The following SP1 variants were observed in gnomAD, a reference collection of about 807,000 sequenced individuals.
The protein encoded by SP1 is Sp1 transcription factor, also known as transcription factor Sp1.
Under a neutral mutation model 66.3 loss-of-function variants are expected in SP1, and 6 were observed. The ratio of observed to expected loss-of-function variants is 0.09; its 90% CI spans 0.05 to 0.18. The LOEUF (loss-of-function observed/expected upper bound fraction) is 0.18. Among genes scored for constraint, SP1 ranks in the 10% least tolerant of loss-of-function variants. The pLI, the probability that SP1 is intolerant of heterozygous loss-of-function variation, is 1.00. For missense variants in SP1, 848 were observed against 964.5 expected (o/e 0.88, Z 1.60); for synonymous variants, 417 against 360.8 (o/e 1.16, Z -1.77).
intron 3 of SP1, among the ~76,000 whole-genome samples, chr12:53,403,370 T>G (rs1045892913): frequency 2.6e-5 from 4 of 152,096 alleles, no homozygotes; most frequent in Non-Finnish European, 5.9e-5. Flanking sequence ...TGGTTTTTTG[T>G]TTTTTTGAGA....
At chr12:53,397,823 G>A (rs902462256) in intron 3 of SP1, among the ~76,000 whole-genome samples, 4 of 151,660 alleles carry the variant, frequency 2.6e-5, no homozygotes, top group Non-Finnish European at 5.9e-5. Flanking sequence ...CAAAGTGCTG[G>A]GATTACAGGC....
chr12:53,408,794 T>C (rs978178463), intron 4 of SP1, among the ~76,000 whole-genome samples: 7 of 152,016 alleles, frequency 4.6e-5, no homozygotes, highest in Non-Finnish European at 8.8e-5. Context: ...TAGTCCCAGC[T>C]ACTCGGGAGG....
chr12:53,411,222 C>T lies in SP1; in HGVS notation c.2340C>T (p.Ile780=), dbSNP rs1408790657. The change falls in exon 6 of 6, where the codon ATC becomes ATT. Residue 780 remains isoleucine, a synonymous_variant. Transcript: ENST00000327443. The part of the protein sequence containing the change: ...MQVADLQSIN[I]SGNGF ...TGGCAGATCTGCAGTCCATTAATATCAGTGGCAATGGCTTCTGAGATCAGG... is the reference window on the plus strand; with the variant it reads ...TGGCAGATCTGCAGTCCATTAATATTAGTGGCAATGGCTTCTGAGATCAGG... 4.3e-6 allele frequency: 7 copies of T among 1,611,376 alleles called. No homozygotes were observed. The highest frequency in any genetic ancestry group is 1.3e-5 in the African/African-American group (1 of 74,858).
intron 3 of SP1, among the ~76,000 whole-genome samples, chr12:53,390,938 T>C (rs528328453): frequency 3.9e-5 from 6 of 152,346 alleles, no homozygotes; most frequent in Admixed American, 3.9e-4. Flanking sequence ...TAAAGTAGCA[T>C]GTAAACGTGC....
chr12:53,406,065 CTTTTTTTTTT>C (rs1170832065), intron 3 of SP1, among the ~76,000 whole-genome samples: 1 of 82,412 alleles, frequency 1.2e-5, no homozygotes. Flanking sequence ...TATTTTCTTT[CTTTTTTTTTT>C]TTTTTTTTTT....
At chr12:53,396,925 G>A (rs1397894455) in intron 3 of SP1, among the ~76,000 whole-genome samples, 4 of 151,780 alleles carry the variant, frequency 2.6e-5, no homozygotes, top group Non-Finnish European at 1.5e-5. Context: ...CACCACACCC[G>A]GCCTCTCCTG....
chr12:53,397,913 A>G (rs1938526920), intron 3 of SP1, among the ~76,000 whole-genome samples: 1 of 152,180 alleles, frequency 6.6e-6, no homozygotes. Context: ...AAATACTAGT[A>G]AAGCCCATAA....
chr12:53,399,336 G>GT (rs367696924), intron 3 of SP1, among the ~76,000 whole-genome samples: 26,488 of 141,670 alleles, frequency 0.19, 2,384 homozygotes, highest in African/African-American at 0.25. Context: ...TTTGTTTTTT[G>GT]TTTTTGTTTT....
At chr12:53,409,335 G>GA in intron 4 of SP1, 27 bp from the exon 5 acceptor site, 1 of 1,593,452 alleles carries the variant, frequency 6.3e-7, no homozygotes, top group Non-Finnish European at 8.6e-7. Flanking sequence ...TAGAATGAAT[G>GA]ATTAACAGTT....
At chr12:53,396,309 T>C (rs1281816960) in intron 3 of SP1, among the ~76,000 whole-genome samples, 1 of 138,464 alleles carries the variant, frequency 7.2e-6, no homozygotes, top group Non-Finnish European at 1.5e-5. Flanking sequence ...GTGGCTCACG[T>C]CTGTAATCCC....
In SP1 at chr12:53,414,435, A is replaced by C. The variant is rs1938955815; in HGVS notation, c.*3195A>C. On this transcript the variant is annotated 3_prime_UTR_variant, in exon 6 of 6. Transcript: ENST00000327443. ...TGCTACACAGAATGCAATTTAATGG[A>C]TATTTCTCAGCCTGGTTCAGAATAA... 1 of 152,614 alleles carries C rather than the reference A, an allele frequency of 6.6e-6. No homozygotes were observed. Among genetic ancestry groups the C allele is most frequent in the African/African-American group, 2.4e-5 (1 of 41,450 alleles). The allele number at this position is 152,614 out of a possible 1,614,324, so 9.5% of individuals were successfully genotyped here.
intron 3 of SP1, among the ~76,000 whole-genome samples, chr12:53,391,325 CTTTTT>C (rs978015959): frequency 8.5e-6 from 1 of 118,066 alleles, no homozygotes; most frequent in Non-Finnish European, 1.8e-5. Flanking sequence ...AGACTGAGAA[CTTTTT>C]TTTTTTAAGT....
At chr12:53,387,410 T>G (rs951821376) in intron 3 of SP1, among the ~76,000 whole-genome samples, 1 of 152,234 alleles carries the variant, frequency 6.6e-6, no homozygotes, top group Non-Finnish European at 1.5e-5. Context: ...GGGGAAAGTC[T>G]GCTTAAGTTC....
intron 3 of SP1, among the ~76,000 whole-genome samples, chr12:53,394,409 CTTTTTTTT>C (rs59816754): frequency 1.7e-5 from 2 of 114,880 alleles, no homozygotes; most frequent in African/African-American, 3.8e-5. Context: ...TTAAAAGTAT[CTTTTTTTT>C]TTTTTTTTTT....
rs1453211877 is a variant in SP1 at position 53,414,142 on chromosome 12, C to G, written c.*2902C>G. ...GGCTAACAGAAATTAATTTAACTGACATGCATATTGATTCTGAAATTTTTT... is the reference window on the plus strand; with the variant it reads ...GGCTAACAGAAATTAATTTAACTGAGATGCATATTGATTCTGAAATTTTTT... On this transcript the variant is annotated 3_prime_UTR_variant, in exon 6 of 6. Coordinates refer to ENST00000327443, the MANE Select transcript of SP1 (RefSeq NM_138473.3). The G allele has an allele frequency of 2.6e-5, 4 of 152,176 alleles. No individual in the cohort carries two copies. The highest frequency in any genetic ancestry group is 5.9e-5 in the Non-Finnish European group (4 of 68,034). 9.4% of individuals were successfully genotyped at this position (152,176 alleles called of 1,614,324 possible).
chr12:53,383,644 A>T (rs1317823750), intron 3 of SP1, 22 bp downstream of exon 3: 1 of 1,571,622 alleles, frequency 6.4e-7, no homozygotes, highest in East Asian at 2.2e-5. Flanking sequence ...AATCTTGTGC[A>T]TTTATTGGGA....
intron 1 of SP1, 45 bp from the exon 2 acceptor site, chr12:53,381,609 ATTTCT>A (rs1285448149): frequency 1.3e-6 from 2 of 1,514,838 alleles, no homozygotes; most frequent in Admixed American, 2.0e-5. Context: ...TTCCTACTTC[ATTTCT>A]TTTCTTCCCT....
rs1216547250 is a variant in SP1 at position 53,412,288 on chromosome 12, A to G, written c.*1048A>G. 6.6e-6 allele frequency: 1 copy of G among 152,612 alleles called. No homozygotes were observed. The highest frequency in any genetic ancestry group is 1.5e-5 in the Non-Finnish European group (1 of 68,028). The allele number at this position is 152,612 out of a possible 1,614,324, so 9.5% of individuals were successfully genotyped here. A position where few individuals can be genotyped will look rare whatever the true frequency, so the allele number is the denominator to read the frequency against. ...TTTGTATAAACTGTCAAATTTTCAA[A>G]TAATAGGTAGGGGGCTTTCACTAGG... On this transcript the variant is annotated 3_prime_UTR_variant, in exon 6 of 6. Transcript: ENST00000327443.
In SP1 at chr12:53,382,569, C is replaced by G; in HGVS notation, c.622C>G (p.Pro208Ala). The G allele has an allele frequency of 1.2e-6, 2 of 1,614,162 alleles. No individual in the cohort carries two copies. Among genetic ancestry groups the G allele is most frequent in the Non-Finnish European group, 1.7e-6 (2 of 1,180,024 alleles). ...TGGTTCTGGTCAAATACAGATCATA[C>G]CAGGTGCAAACCAACAGATTATCAC... ...QDGSGQIQII[P>A]GANQQIITNR... is the part of the protein sequence containing the mutation. The change falls in exon 3 of 6, where the codon CCA (proline) becomes GCA (alanine). Residue 208 changes from proline (P) to alanine (A), a missense_variant. Physicochemically the swap from Pro to Ala is conservative, Grantham distance 27 (BLOSUM62 -1). Coordinates refer to ENST00000327443, the MANE Select transcript of SP1 (RefSeq NM_138473.3).
Sources: allele counts gnomAD v4.1 joint callset (sites outside exome capture counted in the v4.1 genomes callset), GRCh38; gene constraint gnomAD v4.1.1; transcripts MANE v1.5; gene names NCBI Gene and HGNC (gene_info 2026-07-23, HGNC 2026-07-21).